Variants in CAPSL observed in about 807,000 individuals in gnomAD.
The protein encoded by CAPSL is calcyphosine like, also known as calcyphosin-like protein.
A neutral mutation model predicts 21.3 loss-of-function variants in CAPSL; 17 were observed. The ratio of observed to expected loss-of-function variants is 0.80; its 90% CI spans 0.55 to 1.20. The LOEUF is 1.20. Among genes scored for constraint, CAPSL ranks in the 50% most tolerant of loss-of-function variants. The pLI, the probability that CAPSL is intolerant of heterozygous loss-of-function variation, is 0.00. For synonymous variants in CAPSL, 102 were observed against 89.3 expected (o/e 1.14, Z -0.80); for missense variants, 289 against 259.3 (o/e 1.11, Z -0.79).
intron 2 of CAPSL, among the ~76,000 whole-genome samples, chr5:35,916,590 C>T (rs1738392832): frequency 1.3e-5 from 2 of 152,078 alleles, no homozygotes; most frequent in South Asian, 2.1e-4. Context: ...CTTTGACAAA[C>T]CTGACAAAAA....
At chr5:35,909,717 A>T in intron 4 of CAPSL, 149 bp downstream of exon 4, 1 of 686,222 alleles carries the variant, frequency 1.5e-6, no homozygotes. Flanking sequence ...GCAATGGAGA[A>T]GTTTCTAGAT....
chr5:35,911,870 A>G (rs1256240140), intron 2 of CAPSL, among the ~76,000 whole-genome samples: 1 of 152,128 alleles, frequency 6.6e-6, no homozygotes, highest in Non-Finnish European at 1.5e-5. Flanking sequence ...AGTGTCGGAC[A>G]GTGGGTGCAG....
At chr5:35,916,867 C>G (rs9765078) in intron 2 of CAPSL, among the ~76,000 whole-genome samples, 65,724 of 151,924 alleles carry the variant, frequency 0.43, 14,902 homozygotes, top group African/African-American at 0.54. Flanking sequence ...GGACAAATGG[C>G]ATCTAATTAA....
chr5:35,910,555 AC>A lies in CAPSL; in HGVS notation c.138-13del, dbSNP rs748521578. 5 of 1,568,942 alleles carry A rather than the reference AC, an allele frequency of 3.2e-6. No homozygotes were observed. Among genetic ancestry groups the A allele is most frequent in the Non-Finnish European group, 4.3e-6 (5 of 1,150,032 alleles). ...TAATTCTAAACACTCTGAAGAAAAT[AC>A]ACACAAAAATTCAGAAGAAATGTAC... On this transcript the variant is annotated splice_polypyrimidine_tract_variant and intron_variant, in intron 2 of 4. Coordinates refer to ENST00000651391, the MANE Select transcript of CAPSL (RefSeq NM_001042625.2).
chr5:35,905,975 G>A (rs936409845), intron 4 of CAPSL, among the ~76,000 whole-genome samples: 3 of 152,146 alleles, frequency 2.0e-5, no homozygotes, highest in African/African-American at 7.2e-5. Flanking sequence ...ATTTAACTGG[G>A]AATATCAAAG....
chr5:35,930,826 T>C (rs1738801834), intron 1 of CAPSL, among the ~76,000 whole-genome samples: 1 of 152,200 alleles, frequency 6.6e-6, no homozygotes, highest in Non-Finnish European at 1.5e-5. Flanking sequence ...TATTCCACTT[T>C]CTACTGGGTA....
At position 35,931,456 on chromosome 5, in the gene CAPSL, G is replaced by A. The variant is rs116024201; in HGVS notation, c.-1+7085C>T. Among the ~76,000 whole-genome samples the A allele has an allele frequency of 9.4e-3, 1,415 of 151,150 alleles. 22 individuals are homozygous for A. Among genetic ancestry groups the A allele is most frequent in the African/African-American group, 0.033 (1,351 of 41,188 alleles). ...TGTGTTACAAAAAAAAAAAAACAAG[G>A]TTTAATAAAATACAGAGGCCCCAAG... On this transcript the variant is annotated intron_variant, in intron 1 of 4. Coordinates refer to ENST00000651391, the MANE Select transcript of CAPSL (RefSeq NM_001042625.2).
intron 1 of CAPSL, among the ~76,000 whole-genome samples, chr5:35,932,967 C>T (rs1271681113): frequency 6.6e-6 from 1 of 152,268 alleles, no homozygotes; most frequent in East Asian, 1.9e-4. Flanking sequence ...CCAAATTTGG[C>T]CCTCCACCTG....
intron 1 of CAPSL, among the ~76,000 whole-genome samples, chr5:35,926,067 C>T (rs1468514301): frequency 7.9e-6 from 1 of 126,952 alleles, no homozygotes; most frequent in East Asian, 2.2e-4. Context: ...CTGAGCTAGA[C>T]TCCGTCTCAA....
At chr5:35,935,411 C>A (rs1166660960) in intron 1 of CAPSL, among the ~76,000 whole-genome samples, 1 of 151,890 alleles carries the variant, frequency 6.6e-6, no homozygotes, top group East Asian at 1.9e-4. Context: ...TAGCTCACTG[C>A]AGCCTCAATC....
chr5:35,935,133 CTGAA>C (rs1738911897), intron 1 of CAPSL, among the ~76,000 whole-genome samples: 1 of 152,186 alleles, frequency 6.6e-6, no homozygotes, highest in African/African-American at 2.4e-5. Context: ...CACTGACACT[CTGAA>C]TGTTGCCTCA....
At chr5:35,912,895 A>G (rs930777468) in intron 2 of CAPSL, among the ~76,000 whole-genome samples, 3 of 152,238 alleles carry the variant, frequency 2.0e-5, no homozygotes, top group Non-Finnish European at 4.4e-5. Context: ...AAGACTGCAG[A>G]TGATCAAACT....
At chr5:35,919,939 A>G (rs1294964964) in intron 2 of CAPSL, among the ~76,000 whole-genome samples, 1 of 152,132 alleles carries the variant, frequency 6.6e-6, no homozygotes, top group Non-Finnish European at 1.5e-5. Context: ...AGGATTCCTC[A>G]AGGGTTTGCA....
intron 1 of CAPSL, among the ~76,000 whole-genome samples, chr5:35,922,464 T>C (rs1333939506): frequency 6.6e-6 from 1 of 152,108 alleles, no homozygotes; most frequent in Non-Finnish European, 1.5e-5. Flanking sequence ...GCAATTCCTT[T>C]CAGTTCTCTT....
At chr5:35,909,031 C>A (rs889828495) in intron 4 of CAPSL, among the ~76,000 whole-genome samples, 8 of 151,976 alleles carry the variant, frequency 5.3e-5, no homozygotes, top group African/African-American at 1.9e-4. Flanking sequence ...AAGGGACAAT[C>A]CCCTTTCCTT....
At position 35,909,851 on chromosome 5, in the gene CAPSL, G is replaced by A; in HGVS notation, c.525+15C>T. ...AATTGAAGAAATTTCCCCTAGATTA[G>A]GCTCTTTTACTTACCAATCCATCTT... On this transcript the variant is annotated intron_variant, in intron 4 of 4. Transcript: ENST00000651391. The A allele has an allele frequency of 6.3e-7, 1 of 1,592,688 alleles. No individual in the cohort carries two copies. Among genetic ancestry groups the A allele is most frequent in the South Asian group, 1.2e-5 (1 of 85,964 alleles).
At chr5:35,910,231 G>A (rs2149917374) in intron 3 of CAPSL, 135 bp downstream of exon 3, 2 of 1,147,830 alleles carry the variant, frequency 1.7e-6, no homozygotes, top group Non-Finnish European at 2.5e-6. Flanking sequence ...AAATTCCTAA[G>A]TCTGTTCACA....
In CAPSL at chr5:35,904,432, A is replaced by G. The variant is rs189352141; in HGVS notation, c.*113T>C. 2.3e-4 allele frequency: 189 copies of G among 811,084 alleles called. No individual in the cohort carries two copies. The East Asian group carries it at 4.6e-3, about 20-fold the overall frequency. The allele number at this position is 811,084 out of a possible 1,614,324, so 50.2% of individuals were successfully genotyped here. A position where few individuals can be genotyped will look rare whatever the true frequency, so the allele number is the denominator to read the frequency against. On this transcript the variant is annotated 3_prime_UTR_variant, in exon 5 of 5. Coordinates refer to ENST00000651391, the MANE Select transcript of CAPSL (RefSeq NM_001042625.2). Reference sequence around the variant, plus strand: ...CCCAGAAAATGCAATATTTTGACACAGAAAAAAACATTAGGATGAGTGTGA... The same window carrying G: ...CCCAGAAAATGCAATATTTTGACACGGAAAAAAACATTAGGATGAGTGTGA...
chr5:35,911,331 A>G (rs1240760699), intron 2 of CAPSL, among the ~76,000 whole-genome samples: 8 of 152,254 alleles, frequency 5.3e-5, no homozygotes, highest in Non-Finnish European at 8.8e-5. Flanking sequence ...AGTCTGACAA[A>G]TACTACCTCA....
Sources: gnomAD v4.1 joint callset for allele counts (sites outside exome capture counted in the v4.1 genomes callset) on GRCh38, gnomAD v4.1.1 for gene constraint, MANE v1.5 for transcripts, NCBI Gene and HGNC (gene_info 2026-07-23, HGNC 2026-07-21) for gene names.